The following MARK3 variants were observed in gnomAD, a reference collection of about 807,000 sequenced individuals.
The protein encoded by MARK3 is MAP/microtubule affinity-regulating kinase 3.
MARK3 carries 46 observed loss-of-function variants against 90.1 expected under a neutral mutation model. The observed-to-expected ratio is 0.51, with a 90% CI of 0.40 to 0.65. The LOEUF is 0.65. MARK3 is among the 30% of genes least tolerant of loss of function. The pLI is 0.00. For missense variants in MARK3, 818 were observed against 947.2 expected (o/e 0.86, Z 1.79); for synonymous variants, 321 against 332.6 (o/e 0.97, Z 0.38).
At chr14:103,397,056 T>G (rs1357803024) in intron 1 of MARK3, among the ~76,000 whole-genome samples, 2 of 152,222 alleles carry the variant, frequency 1.3e-5, no homozygotes, top group Non-Finnish European at 2.9e-5. Flanking sequence ...ACGTATTAAA[T>G]ATGTTTCTTT....
At chr14:103,413,155 T>G (rs1207139691) in intron 2 of MARK3, among the ~76,000 whole-genome samples, 1 of 152,192 alleles carries the variant, frequency 6.6e-6, no homozygotes, top group Non-Finnish European at 1.5e-5. Context: ...ATTACCAGTG[T>G]AAGCCACCAC....
At chr14:103,412,778 C>A in intron 2 of MARK3, 1 of 473,228 alleles carries the variant, frequency 2.1e-6, no homozygotes, top group Non-Finnish European at 4.0e-6. Flanking sequence ...TCATGCCACG[C>A]TAACCAGAAA....
intron 2 of MARK3, among the ~76,000 whole-genome samples, chr14:103,423,675 T>C (rs574229589): frequency 6.6e-6 from 1 of 152,264 alleles, no homozygotes; most frequent in African/African-American, 2.4e-5. Context: ...CAAGGTGATT[T>C]TGGTGGAGTC....
intron 2 of MARK3, among the ~76,000 whole-genome samples, chr14:103,407,473 A>G (rs1289961826): frequency 6.6e-6 from 1 of 151,742 alleles, no homozygotes; most frequent in Non-Finnish European, 1.5e-5. Context: ...CGTTCCTATT[A>G]ATCAAAAATA....
intron 13 of MARK3, among the ~76,000 whole-genome samples, chr14:103,476,989 C>A (rs1684495099): frequency 2.6e-5 from 4 of 152,148 alleles, no homozygotes. Flanking sequence ...CTTCTCTTCC[C>A]CTTTGCTCTT....
At chr14:103,493,643 G>C (rs539295085) in intron 15 of MARK3, among the ~76,000 whole-genome samples, 2 of 152,170 alleles carry the variant, frequency 1.3e-5, no homozygotes, top group African/African-American at 4.8e-5. Flanking sequence ...GGGAGGCCAA[G>C]GCGGGTGGAT....
At position 103,389,741 on chromosome 14, in the gene MARK3, C is replaced by T. The variant is rs551630225; in HGVS notation, c.51+3661C>T. ...GGTGGATCACCTGAGGTCAGGAGTTCGAGACCAGCCTGACCAAGATGGCAA... is the reference window on the plus strand; with the variant it reads ...GGTGGATCACCTGAGGTCAGGAGTTTGAGACCAGCCTGACCAAGATGGCAA... On this transcript the variant is annotated intron_variant, in intron 1 of 17. Coordinates refer to ENST00000429436, the MANE Select transcript of MARK3 (RefSeq NM_001128918.3). 6.7e-5 allele frequency among the ~76,000 whole-genome samples: 10 copies of T among 149,892 alleles called. No individual in the cohort carries two copies. In the East Asian group the frequency reaches 1.2e-3, roughly 18 times the overall value.
chr14:103,497,120 A>G (rs898032164), intron 15 of MARK3, among the ~76,000 whole-genome samples: 1 of 152,216 alleles, frequency 6.6e-6, no homozygotes, highest in African/African-American at 2.4e-5. Context: ...ATTTTCAACT[A>G]AAATATTTTG....
In MARK3 at chr14:103,405,138, G is replaced by A. The variant is rs1354642496; in HGVS notation, c.114G>A (p.Arg38=). Residue 38 remains arginine, a synonymous_variant, in exon 2 of 18, where the codon CGG becomes CGA. Transcript: ENST00000429436. ...VTSRTSRSGA[R]CRNSIASCAD... is the part of the protein sequence containing the mutation. ...CTCGTACCAGCCGCTCAGGAGCTCGGTGTAGAAACTCTATAGCCTCCTGTG... is the reference window on the plus strand; with the variant it reads ...CTCGTACCAGCCGCTCAGGAGCTCGATGTAGAAACTCTATAGCCTCCTGTG... The A allele has an allele frequency of 1.2e-6, 2 of 1,613,912 alleles. No individual in the cohort carries two copies.
At chr14:103,387,028 A>G (rs375873298) in intron 1 of MARK3, among the ~76,000 whole-genome samples, 4 of 152,238 alleles carry the variant, frequency 2.6e-5, no homozygotes, top group Non-Finnish European at 2.9e-5. Flanking sequence ...TGTTGACTAT[A>G]TTCTGTAAAA....
At chr14:103,456,568 CCTA>C (rs1177009455) in intron 5 of MARK3, among the ~76,000 whole-genome samples, 2 of 152,178 alleles carry the variant, frequency 1.3e-5, no homozygotes, top group African/African-American at 4.8e-5. Flanking sequence ...GTCTGTCTCT[CCTA>C]CTTTTTCTCC....
intron 17 of MARK3, among the ~76,000 whole-genome samples, chr14:103,502,589 TGATTTCCAAG>T (rs2142189192): frequency 1.3e-5 from 2 of 152,368 alleles, no homozygotes; most frequent in South Asian, 4.1e-4. Context: ...CCTTTTTGCC[TGATTTCCAAG>T]GATTCTGCTT....
intron 2 of MARK3, among the ~76,000 whole-genome samples, chr14:103,406,483 C>T (rs546737428): frequency 5.3e-5 from 8 of 151,354 alleles, no homozygotes; most frequent in Non-Finnish European, 7.4e-5. Context: ...GTGATCTGCC[C>T]GCCTCAGCCT....
chr14:103,448,853 A>G, intron 3 of MARK3, 66 bp from the exon 4 acceptor site: 1 of 1,419,800 alleles, frequency 7.0e-7, no homozygotes, highest in East Asian at 2.4e-5. Context: ...ATATTACAAC[A>G]GTGGAATATA....
At position 103,466,966 on chromosome 14, in the gene MARK3, T is replaced by TG. The variant is rs2093515625; in HGVS notation, c.998-112dup. 16 of 519,028 alleles carry TG rather than the reference T, an allele frequency of 3.1e-5. No individual in the cohort carries two copies. In the East Asian group the frequency reaches 5.1e-4, roughly 17 times the overall value. 32.2% of individuals were successfully genotyped at this position (519,028 alleles called of 1,614,324 possible). ...TTGCGGTGAGCCAAGATCGCGCCAT[T>TG]GCACTCCAGCCTGGGCAACAAGAGT... On this transcript the variant is annotated intron_variant, in intron 10 of 17. Transcript: ENST00000429436.
In MARK3 at chr14:103,405,193, A is replaced by G; in HGVS notation, c.169A>G (p.Arg57Gly). ...ADEQPHIGNY[R>G]LLKTIGKGNF... ...TGAACAACCTCACATCGGAAACTAC[A>G]GACTGTTGAAAACAATCGGCAAGGG... Residue 57 changes from arginine (R) to glycine (G), a missense_variant, in exon 2 of 18, where the codon AGA becomes GGA. By Grantham distance (125) the Arg-to-Gly change is moderately radical. Transcript: ENST00000429436. 1.3e-6 allele frequency: 2 copies of G among 1,597,306 alleles called. No homozygotes were observed. Among genetic ancestry groups the G allele is most frequent in the South Asian group, 2.3e-5 (2 of 88,074 alleles).
intron 3 of MARK3, among the ~76,000 whole-genome samples, chr14:103,445,185 C>T (rs1397222806): frequency 6.6e-6 from 1 of 152,092 alleles, no homozygotes; most frequent in Non-Finnish European, 1.5e-5. Context: ...CATATATTAG[C>T]TGAGTCTTTG....
chr14:103,493,926 T>TAAAA (rs2075166795), intron 15 of MARK3, among the ~76,000 whole-genome samples: 2 of 151,780 alleles, frequency 1.3e-5, no homozygotes, highest in East Asian at 3.9e-4. Flanking sequence ...TGTACTCTTT[T>TAAAA]TTCAGTCATT....
At position 103,471,294 on chromosome 14, in the gene MARK3, CTTTT is replaced by C. The variant is rs566688626; in HGVS notation, c.1264+3110_1264+3113del. Among the ~76,000 whole-genome samples, 413 of 152,210 alleles carry C rather than the reference CTTTT, an allele frequency of 2.7e-3. 2 individuals carry two copies. The highest frequency in any genetic ancestry group is 9.5e-3 in the African/African-American group (395 of 41,514). ...TAGATTCCATCCAGATTATTAGTGC[CTTTT>C]TCCCCCCAGCTCAATTTTAGAGATA... On this transcript the variant is annotated intron_variant, in intron 12 of 17. Coordinates refer to ENST00000429436, the MANE Select transcript of MARK3 (RefSeq NM_001128918.3).
Sources: gnomAD v4.1 joint callset for allele counts (sites outside exome capture counted in the v4.1 genomes callset) on GRCh38, gnomAD v4.1.1 for gene constraint, MANE v1.5 for transcripts, NCBI Gene and HGNC (gene_info 2026-07-23, HGNC 2026-07-21) for gene names.